RHOJ: variants seen among roughly 807,000 people sequenced by gnomAD.
RHOJ encodes rho-related GTP-binding protein RhoJ.
In RHOJ, 11 loss-of-function variants were observed where a neutral mutation model predicts 23.4. The observed-to-expected ratio is 0.47, with a 90% CI of 0.30 to 0.78. The LOEUF (loss-of-function observed/expected upper bound fraction) is 0.78. Ranked by LOEUF, RHOJ falls within the 30% of genes least tolerant of loss-of-function variation. The probability of loss-of-function intolerance (pLI) is 0.08; values close to 1 mark genes in which losing one functional copy is unlikely to be tolerated. For missense variants in RHOJ, 254 were observed against 273.4 expected (o/e 0.93, Z 0.50); for synonymous variants, 102 against 102.7 (o/e 0.99, Z 0.04).
intron 2 of RHOJ, among the ~76,000 whole-genome samples, chr14:63,278,721 G>A (rs892641471): frequency 3.9e-5 from 6 of 152,186 alleles, no homozygotes; most frequent in African/African-American, 1.4e-4. Flanking sequence ...GGTGACTCAC[G>A]CCTATCATCC....
chr14:63,248,146 A>T (rs1324840348), intron 1 of RHOJ, among the ~76,000 whole-genome samples: 1 of 152,168 alleles, frequency 6.6e-6, no homozygotes, highest in East Asian at 1.9e-4. Flanking sequence ...ATAAATTAAG[A>T]TATGGATCTT....
intron 4 of RHOJ, among the ~76,000 whole-genome samples, chr14:63,287,545 C>T (rs761696941): frequency 2.0e-5 from 3 of 151,688 alleles, no homozygotes; most frequent in Non-Finnish European, 2.9e-5. Context: ...CCTGCCCCAA[C>T]TAGAACAACA....
At position 63,281,373 on chromosome 14, in the gene RHOJ, A is replaced by T. The variant is rs565290428; in HGVS notation, c.402+238A>T. 4.6e-5 allele frequency among the ~76,000 whole-genome samples: 7 copies of T among 152,076 alleles called. No individual in the cohort carries two copies. In the East Asian group the frequency reaches 1.4e-3, roughly 29 times the overall value. On this transcript the variant is annotated intron_variant, in intron 3 of 4. Transcript: ENST00000316754. ...TGGCCTTCAAAAATTAATCTCTATG[A>T]TTTTTTTTAAATAACAAAGTAATTT...
intron 4 of RHOJ, among the ~76,000 whole-genome samples, chr14:63,285,446 T>A (rs1882050495): frequency 1.3e-5 from 2 of 152,214 alleles, no homozygotes; most frequent in Admixed American, 6.5e-5. Flanking sequence ...AGTTCAGATT[T>A]TTCATATCTG....
intron 1 of RHOJ, among the ~76,000 whole-genome samples, chr14:63,216,100 A>G (rs1894350220): frequency 6.6e-6 from 1 of 152,188 alleles, no homozygotes; most frequent in Non-Finnish European, 1.5e-5. Context: ...TAAAACTTGT[A>G]AAAAAATTGT....
chr14:63,244,080 C>T (rs1247795686), intron 1 of RHOJ, among the ~76,000 whole-genome samples: 2 of 152,172 alleles, frequency 1.3e-5, no homozygotes, highest in African/African-American at 2.4e-5. Context: ...TACTTCTCAT[C>T]TTCAGTCTTA....
intron 4 of RHOJ, among the ~76,000 whole-genome samples, chr14:63,286,300 G>A (rs2139668340): frequency 6.6e-6 from 1 of 152,294 alleles, no homozygotes. Context: ...GATAAACACA[G>A]TAACACACAT....
intron 1 of RHOJ, among the ~76,000 whole-genome samples, chr14:63,220,876 C>G (rs539436364): frequency 6.6e-6 from 1 of 152,296 alleles, no homozygotes; most frequent in East Asian, 1.9e-4. Flanking sequence ...GCTAATGATA[C>G]AGAAATTCAA....
intron 1 of RHOJ, among the ~76,000 whole-genome samples, chr14:63,245,822 C>T (rs939386384): frequency 2.0e-5 from 3 of 152,174 alleles, no homozygotes; most frequent in Admixed American, 6.5e-5. Context: ...CGATAGAAGA[C>T]GTCCACAGGT....
intron 1 of RHOJ, among the ~76,000 whole-genome samples, chr14:63,254,030 G>C (rs1895118550): frequency 6.6e-6 from 1 of 152,140 alleles, no homozygotes; most frequent in African/African-American, 2.4e-5. Context: ...AGTGATGGTA[G>C]AGCCAGCCGC....
intron 1 of RHOJ, among the ~76,000 whole-genome samples, chr14:63,232,688 T>A (rs957470178): frequency 6.6e-6 from 1 of 151,288 alleles, no homozygotes; most frequent in South Asian, 2.1e-4. Flanking sequence ...AGTCTTTTTT[T>A]CTTGCCTTTT....
intron 1 of RHOJ, among the ~76,000 whole-genome samples, chr14:63,251,076 T>TA (rs1303750970): frequency 6.6e-6 from 1 of 152,012 alleles, no homozygotes; most frequent in Non-Finnish European, 1.5e-5. Context: ...ATTAAAAAGT[T>TA]AAAAAAATCA....
At chr14:63,269,045 A>G in intron 1 of RHOJ, 65 bp from the exon 2 acceptor site, 1 of 1,135,082 alleles carries the variant, frequency 8.8e-7, no homozygotes, top group Non-Finnish European at 1.3e-6. Context: ...AAACAATGTG[A>G]AGGCTCCTGA....
chr14:63,279,125 T>C (rs547456031), intron 2 of RHOJ, among the ~76,000 whole-genome samples: 1 of 152,384 alleles, frequency 6.6e-6, no homozygotes, highest in East Asian at 1.9e-4. Flanking sequence ...ACTTCTTCAA[T>C]GTTTGCATTT....
intron 3 of RHOJ, among the ~76,000 whole-genome samples, chr14:63,282,227 A>G (rs1325919855): frequency 3.3e-5 from 5 of 151,740 alleles, no homozygotes; most frequent in Non-Finnish European, 5.9e-5. Context: ...TCTGTGATTC[A>G]AGCTGATTTT....
intron 1 of RHOJ, among the ~76,000 whole-genome samples, chr14:63,254,912 C>A (rs964780382): frequency 6.6e-6 from 1 of 152,120 alleles, no homozygotes; most frequent in African/African-American, 2.4e-5. Context: ...TTATAGCGAT[C>A]CAAGCTGCTG....
intron 1 of RHOJ, among the ~76,000 whole-genome samples, chr14:63,234,602 G>A (rs997840906): frequency 1.1e-4 from 16 of 152,078 alleles, no homozygotes; most frequent in African/African-American, 3.9e-4. Context: ...TAAAGCCTTT[G>A]AATATATAAC....
intron 2 of RHOJ, among the ~76,000 whole-genome samples, chr14:63,273,498 C>A (rs920690875): frequency 2.6e-5 from 4 of 152,222 alleles, no homozygotes; most frequent in African/African-American, 9.6e-5. Context: ...AAGTGGACAG[C>A]AGGGTGTTGG....
chr14:63,233,657 C>G lies in RHOJ; in HGVS notation c.178+28610C>G, dbSNP rs1026647812. On this transcript the variant is annotated intron_variant, in intron 1 of 4. Transcript: ENST00000316754. ...TTTTATTTAATAGCTACAATAACACCTGGCTACCAGGACAAATAACTCTTG... is the reference window on the plus strand; with the variant it reads ...TTTTATTTAATAGCTACAATAACACGTGGCTACCAGGACAAATAACTCTTG... Among the ~76,000 whole-genome samples the G allele has an allele frequency of 2.6e-5, 4 of 152,288 alleles. No individual in the cohort carries two copies. In the South Asian group the frequency reaches 8.3e-4, roughly 32 times the overall value.
Sources: gnomAD v4.1 joint callset for allele counts (sites outside exome capture counted in the v4.1 genomes callset) on GRCh38, gnomAD v4.1.1 for gene constraint, MANE v1.5 for transcripts, NCBI Gene and HGNC (gene_info 2026-07-23, HGNC 2026-07-21) for gene names.